The following EXT1 variants were observed in gnomAD, a reference collection of about 807,000 sequenced individuals.
EXT1 encodes the protein exostosin-1.
In EXT1, 20 loss-of-function variants were observed where a neutral mutation model predicts 82.5. The observed-to-expected ratio is 0.24, with a 90% confidence interval of 0.17 to 0.35. The LOEUF (loss-of-function observed/expected upper bound fraction) is 0.35, where lower values mean the gene tolerates loss of function less well. Among genes scored for constraint, EXT1 ranks in the 10% least tolerant of loss-of-function variants. The probability of loss-of-function intolerance (pLI) is 1.00; values close to 1 mark genes in which losing one functional copy is unlikely to be tolerated. For synonymous variants in EXT1, 348 were observed against 350.8 expected (o/e 0.99, Z 0.09); for missense variants, 757 against 936.5 (o/e 0.81, Z 2.50).
intron 7 of EXT1, among the ~76,000 whole-genome samples, chr8:117,814,543 C>G (rs1048942720): frequency 7.2e-5 from 11 of 152,098 alleles, no homozygotes; most frequent in African/African-American, 2.4e-4. Context: ...AAAACGGACC[C>G]AGGATTTTCC....
intron 1 of EXT1, among the ~76,000 whole-genome samples, chr8:117,859,552 T>C (rs1389111361): frequency 6.6e-6 from 1 of 152,184 alleles, no homozygotes; most frequent in Non-Finnish European, 1.5e-5. Context: ...CAACTGAATG[T>C]ACATTCATGG....
At chr8:117,829,249 A>G (rs1271169673) in intron 4 of EXT1, among the ~76,000 whole-genome samples, 2 of 151,856 alleles carry the variant, frequency 1.3e-5, no homozygotes, top group Admixed American at 1.3e-4. Context: ...TATCTGCTCT[A>G]TTTCCAAAGG....
chr8:117,851,616 G>GACACACACAC (rs35686154), intron 1 of EXT1, among the ~76,000 whole-genome samples: 7,342 of 147,950 alleles, frequency 0.05, 244 homozygotes, highest in Non-Finnish European at 0.071. Context: ...AATTTAGCTG[G>GACACACACAC]ACACACACAC....
chr8:117,809,712 C>T (rs17503110), intron 8 of EXT1, among the ~76,000 whole-genome samples: 393 of 151,614 alleles, frequency 2.6e-3, no homozygotes, highest in African/African-American at 9.0e-3. Context: ...GTAGGGAGCA[C>T]GTTATCTCAA....
intron 1 of EXT1, among the ~76,000 whole-genome samples, chr8:117,860,557 C>T (rs117829172): frequency 1.6e-3 from 248 of 152,290 alleles, no homozygotes; most frequent in Non-Finnish European, 2.3e-3. Flanking sequence ...GTATCTATTA[C>T]ATAGATAATC....
chr8:118,069,373 A>C (rs1817047188), intron 1 of EXT1, among the ~76,000 whole-genome samples: 1 of 152,224 alleles, frequency 6.6e-6, no homozygotes, highest in Non-Finnish European at 1.5e-5. Context: ...TCTTCAGCCC[A>C]GTACCCCGTC....
intron 2 of EXT1, among the ~76,000 whole-genome samples, chr8:117,836,154 A>G (rs888970031): frequency 6.6e-6 from 1 of 152,232 alleles, no homozygotes; most frequent in Non-Finnish European, 1.5e-5. Flanking sequence ...GCCGGGAAAT[A>G]AACAGCCAAG....
chr8:118,043,707 T>C (rs1816574377), intron 1 of EXT1, among the ~76,000 whole-genome samples: 1 of 152,210 alleles, frequency 6.6e-6, no homozygotes, highest in Admixed American at 6.5e-5. Context: ...CATTCTGCAG[T>C]CATAACACCT....
At chr8:117,898,152 C>G (rs902674796) in intron 1 of EXT1, among the ~76,000 whole-genome samples, 2 of 152,208 alleles carry the variant, frequency 1.3e-5, no homozygotes, top group Non-Finnish European at 2.9e-5. Context: ...CCCATGGACC[C>G]ACCTCAAAAT....
intron 1 of EXT1, among the ~76,000 whole-genome samples, chr8:118,042,204 T>C (rs1490998086): frequency 2.0e-5 from 3 of 152,216 alleles, no homozygotes; most frequent in Non-Finnish European, 4.4e-5. Flanking sequence ...CTGTGATTCC[T>C]GAATTAAAGA....
chr8:117,928,072 C>T (rs748349182), intron 1 of EXT1, among the ~76,000 whole-genome samples: 3 of 152,228 alleles, frequency 2.0e-5, no homozygotes, highest in Non-Finnish European at 4.4e-5. Context: ...GTGAATGATA[C>T]TGTTGATCTT....
chr8:118,097,812 G>C (rs1817648083), intron 1 of EXT1, among the ~76,000 whole-genome samples: 1 of 152,164 alleles, frequency 6.6e-6, no homozygotes, highest in African/African-American at 2.4e-5. Flanking sequence ...CCTCCCCTCA[G>C]GTTCTGTGCA....
At chr8:117,998,280 G>A (rs1815590124) in intron 1 of EXT1, among the ~76,000 whole-genome samples, 1 of 151,986 alleles carries the variant, frequency 6.6e-6, no homozygotes, top group South Asian at 2.1e-4. Context: ...CCAAATTGCT[G>A]GGATTACAGG....
Position 118,110,364 on chromosome 8 carries a change from G to T in EXT1, c.683C>A (p.Pro228His), listed in dbSNP as rs2130042226. Residue 228 changes from proline to histidine, a missense_variant, in exon 1 of 11, where the codon CCC becomes CAC. Transcript: ENST00000378204. ...GAGGGGAATAGAAACATCAAAGTTG[G>T]GTCGGAAGTTTTCAGTACTGATGCT... ...KASISTENFR[P>H]NFDVSIPLFS... The T allele has an allele frequency of 6.2e-7, 1 of 1,614,164 alleles. No individual in the cohort carries two copies. The highest frequency in any genetic ancestry group is 8.5e-7 in the Non-Finnish European group (1 of 1,180,024).
rs1812207686 is a variant in EXT1 at position 117,837,569 on chromosome 8, C to T, written c.963-368G>A. On this transcript the variant is annotated intron_variant, in intron 1 of 10. Coordinates refer to ENST00000378204, the MANE Select transcript of EXT1 (RefSeq NM_000127.3). ...AGAAGAGAAAATTACTGGTGCTTCT[C>T]CTTCTCCTTTAACAATACGGCATTC... is the stretch of plus-strand genomic sequence containing the variant. Among the ~76,000 whole-genome samples, 3 of 152,058 alleles carry T rather than the reference C, an allele frequency of 2.0e-5. 1 individual carries two copies. Among genetic ancestry groups the T allele is most frequent in the Admixed American group, 2.0e-4 (3 of 15,264 alleles).
At chr8:117,834,376 G>C (rs1015602800) in intron 3 of EXT1, among the ~76,000 whole-genome samples, 14 of 152,236 alleles carry the variant, frequency 9.2e-5, no homozygotes, top group African/African-American at 3.1e-4. Flanking sequence ...AGGCTGAGAT[G>C]GGTGAATCAC....
chr8:117,840,929 G>A (rs75452618), intron 1 of EXT1, among the ~76,000 whole-genome samples: 1 of 152,284 alleles, frequency 6.6e-6, no homozygotes, highest in East Asian at 1.9e-4. Flanking sequence ...GTGCTGATGA[G>A]GATGTAAAGA....
At chr8:118,063,764 TTTAAGTA>T (rs1229693384) in intron 1 of EXT1, among the ~76,000 whole-genome samples, 1 of 152,260 alleles carries the variant, frequency 6.6e-6, no homozygotes, top group East Asian at 1.9e-4. Context: ...TAGGTTTTAC[TTTAAGTA>T]TTAACTTCTC....
At chr8:117,889,932 G>T (rs896019265) in intron 1 of EXT1, among the ~76,000 whole-genome samples, 2 of 152,078 alleles carry the variant, frequency 1.3e-5, no homozygotes, top group African/African-American at 4.8e-5. Context: ...GGCACACAAT[G>T]TACAGTTTTT....
Sources: allele counts gnomAD v4.1 joint callset (sites outside exome capture counted in the v4.1 genomes callset), GRCh38; gene constraint gnomAD v4.1.1; transcripts MANE v1.5; gene names NCBI Gene and HGNC (gene_info 2026-07-23, HGNC 2026-07-21).